DYM: variants seen among roughly 807,000 people sequenced by gnomAD.
The protein encoded by DYM is dyggve-Melchior-Clausen syndrome protein.
A neutral mutation model predicts 93.1 loss-of-function variants in DYM; 78 were observed. That is an observed-to-expected ratio of 0.84 (90% CI 0.70 to 1.01). The LOEUF is 1.01. Ranked by LOEUF, DYM falls within the 50% of genes least tolerant of loss-of-function variation. The probability of loss-of-function intolerance (pLI) is 0.00; values close to 1 mark genes in which losing one functional copy is unlikely to be tolerated. For synonymous variants in DYM, 321 were observed against 319.7 expected (o/e 1.00, Z -0.04); for missense variants, 789 against 845.0 (o/e 0.93, Z 0.82).
chr18:49,167,276 CAT>C (rs1024993345), intron 14 of DYM, among the ~76,000 whole-genome samples: 3 of 152,088 alleles, frequency 2.0e-5, no homozygotes, highest in African/African-American at 7.2e-5. Context: ...TCAATTCAAA[CAT>C]GAGATATTTT....
chr18:49,424,181 T>A (rs2074027094), intron 2 of DYM, among the ~76,000 whole-genome samples: 2 of 152,026 alleles, frequency 1.3e-5, no homozygotes, highest in African/African-American at 4.8e-5. Context: ...CAGCAGCACA[T>A]CAAAAAGCTT....
At chr18:49,119,566 T>C (rs937273767) in intron 15 of DYM, among the ~76,000 whole-genome samples, 8 of 152,224 alleles carry the variant, frequency 5.3e-5, no homozygotes, top group African/African-American at 1.9e-4. Context: ...CAGTTTTCCA[T>C]AATATATTTG....
intron 10 of DYM, among the ~76,000 whole-genome samples, chr18:49,276,154 G>A (rs915603889): frequency 2.6e-5 from 4 of 152,022 alleles, no homozygotes; most frequent in African/African-American, 4.8e-5. Context: ...GGCTGATCTC[G>A]GGGAGAAAGA....
intron 13 of DYM, among the ~76,000 whole-genome samples, chr18:49,237,030 G>T (rs965950748): frequency 6.6e-6 from 1 of 152,096 alleles, no homozygotes; most frequent in Non-Finnish European, 1.5e-5. Context: ...GCTTATCCAG[G>T]TATCTTCATG....
At chr18:49,218,780 C>T (rs1428069470) in intron 13 of DYM, among the ~76,000 whole-genome samples, 1 of 152,172 alleles carries the variant, frequency 6.6e-6, no homozygotes, top group African/African-American at 2.4e-5. Flanking sequence ...ATTTATAGCA[C>T]TAAATGCCCA....
intron 17 of DYM, 49 bp downstream of exon 17, chr18:49,097,353 C>T (rs1568413872): frequency 4.5e-6 from 7 of 1,551,568 alleles, no homozygotes; most frequent in Middle Eastern, 1.7e-4. Flanking sequence ...CTAACATTTA[C>T]ATCAAGGGAC....
intron 14 of DYM, among the ~76,000 whole-genome samples, chr18:49,183,508 C>G (rs1387588975): frequency 4.6e-5 from 7 of 152,054 alleles, no homozygotes; most frequent in African/African-American, 1.7e-4. Context: ...ACAAACCTGC[C>G]TGGCAATTTT....
intron 15 of DYM, 70 bp from the exon 16 acceptor site, chr18:49,118,996 G>C (rs1219672694): frequency 7.6e-7 from 1 of 1,307,512 alleles, no homozygotes; most frequent in Non-Finnish European, 1.1e-6. Flanking sequence ...ATGAAAATAA[G>C]AGTAATTCCC....
intron 14 of DYM, among the ~76,000 whole-genome samples, chr18:49,191,220 T>G (rs1053129612): frequency 1.3e-5 from 2 of 152,070 alleles, no homozygotes. Flanking sequence ...ATACAATTGT[T>G]AGTAACTAAA....
At chr18:49,054,852 A>G (rs2075336973) in intron 17 of DYM, among the ~76,000 whole-genome samples, 1 of 152,210 alleles carries the variant, frequency 6.6e-6, no homozygotes, top group Non-Finnish European at 1.5e-5. Flanking sequence ...GTAAGGGCGA[A>G]AAGACTCTTC....
intron 15 of DYM, among the ~76,000 whole-genome samples, chr18:49,156,492 G>A (rs922936400): frequency 5.3e-5 from 8 of 152,042 alleles, no homozygotes; most frequent in African/African-American, 9.7e-5. Context: ...AGCACTTCAG[G>A]GGTTTGAGGT....
intron 3 of DYM, among the ~76,000 whole-genome samples, chr18:49,380,237 G>C (rs1336873605): frequency 6.6e-6 from 1 of 152,102 alleles, no homozygotes; most frequent in Non-Finnish European, 1.5e-5. Flanking sequence ...GGCTAGAAGG[G>C]GAGCTATTTG....
At position 49,040,594 on chromosome 18, in the gene DYM, T is replaced by A. The variant is rs571803107; in HGVS notation, c.*3461A>T. On this transcript the variant is annotated 3_prime_UTR_variant, in exon 18 of 18. Transcript: ENST00000675505. ...CAGGAGGTGATGTAGGACACTGGAA[T>A]TGTTCTGAATTTGGAGTCAGAAGGC... is the stretch of plus-strand genomic sequence containing the variant. Among the ~76,000 whole-genome samples the A allele has an allele frequency of 1.3e-5, 2 of 152,338 alleles. No homozygotes were observed. Among genetic ancestry groups the A allele is most frequent in the African/African-American group, 4.8e-5 (2 of 41,580 alleles).
chr18:49,438,650 T>C (rs778130245), intron 1 of DYM, among the ~76,000 whole-genome samples: 2 of 150,688 alleles, frequency 1.3e-5, no homozygotes, highest in East Asian at 3.9e-4. Flanking sequence ...AAGCCCTCAC[T>C]CCCACAGGAA....
intron 14 of DYM, among the ~76,000 whole-genome samples, chr18:49,186,747 CTT>C (rs1199045809): frequency 1.3e-5 from 2 of 152,014 alleles, no homozygotes; most frequent in Non-Finnish European, 2.9e-5. Context: ...AAAAGTAGGG[CTT>C]TCAGGTATAT....
chr18:49,243,138 G>A (rs2094072015), intron 13 of DYM, among the ~76,000 whole-genome samples: 1 of 152,148 alleles, frequency 6.6e-6, no homozygotes, highest in Admixed American at 6.5e-5. Context: ...TCATCTCACT[G>A]GTAAGGCTTC....
At chr18:49,068,351 C>A (rs1037094658) in intron 17 of DYM, among the ~76,000 whole-genome samples, 1 of 152,196 alleles carries the variant, frequency 6.6e-6, no homozygotes, top group African/African-American at 2.4e-5. Context: ...TCCATTCTAA[C>A]AACTAATGCT....
intron 14 of DYM, among the ~76,000 whole-genome samples, chr18:49,196,396 T>C (rs2091452006): frequency 6.6e-6 from 1 of 151,886 alleles, no homozygotes; most frequent in Non-Finnish European, 1.5e-5. Context: ...GAAGCACCTA[T>C]TGAATACCCA....
intron 2 of DYM, among the ~76,000 whole-genome samples, chr18:49,414,677 C>T (rs1228994580): frequency 6.6e-6 from 1 of 152,192 alleles, no homozygotes; most frequent in Admixed American, 6.5e-5. Context: ...ACATGCATGG[C>T]TCACTCCCTG....
Sources: gnomAD v4.1 joint callset for allele counts (sites outside exome capture counted in the v4.1 genomes callset) on GRCh38, gnomAD v4.1.1 for gene constraint, MANE v1.5 for transcripts, NCBI Gene and HGNC (gene_info 2026-07-23, HGNC 2026-07-21) for gene names.